Variants in CDH23 observed in about 807,000 individuals in gnomAD.
CDH23 encodes the protein cadherin related 23, also known as cadherin-23.
Under a neutral mutation model 317.1 loss-of-function variants are expected in CDH23, and 189 were observed. The observed-to-expected ratio is 0.60, with a 90% CI of 0.53 to 0.67. CDH23 has a LOEUF of 0.67. Ranked by LOEUF, CDH23 falls within the 30% of genes least tolerant of loss-of-function variation. CDH23 has a pLI of 0.00. For missense variants in CDH23, 4,401 were observed against 4,592.4 expected, an observed-to-expected ratio of 0.96 and a Z score of 1.20; for synonymous variants, 1,839 against 1,876.8, an observed-to-expected ratio of 0.98 and a Z score of 0.52.
intron 38 of CDH23, among the ~76,000 whole-genome samples, chr10:71,774,145 C>G (rs911042084): frequency 6.6e-6 from 1 of 152,096 alleles, no homozygotes; most frequent in Non-Finnish European, 1.5e-5. Flanking sequence ...GGGACACACA[C>G]AGATATGCAG....
chr10:71,618,907 C>T (rs1861331308), intron 11 of CDH23, among the ~76,000 whole-genome samples: 1 of 152,134 alleles, frequency 6.6e-6, no homozygotes, highest in South Asian at 2.1e-4. Flanking sequence ...ACCTATCTGT[C>T]TGAGATAACT....
chr10:71,754,742 T>A (rs528171635), intron 38 of CDH23, among the ~76,000 whole-genome samples: 51 of 152,324 alleles, frequency 3.3e-4, no homozygotes, highest in Middle Eastern at 3.4e-3. Context: ...GGACTTGCAA[T>A]GAGGAGTAAG....
Position 71,751,654 on chromosome 10 carries a change from C to A in CDH23, c.4845+9733C>A. 1 of 1,519,900 alleles carries A rather than the reference C, an allele frequency of 6.6e-7. No homozygotes were observed. Among genetic ancestry groups the A allele is most frequent in the Non-Finnish European group, 8.8e-7 (1 of 1,134,732 alleles). 94.2% of individuals were successfully genotyped at this position (1,519,900 alleles called of 1,614,324 possible). A position where few individuals can be genotyped will look rare whatever the true frequency, so the allele number is the denominator to read the frequency against. ...TTACAGGTCATCGTGCTGTGAAGGT[C>A]AGGAAACACTTACCCAGGGATGGGA... On this transcript the variant is annotated intron_variant, in intron 38 of 69. Coordinates refer to ENST00000224721, the MANE Select transcript of CDH23 (RefSeq NM_022124.6). This position sits in a 1 kb window ranked among gnomAD's most constrained non-coding sequence, Gnocchi z 4.9.
At chr10:71,596,508 C>G (rs1859858579) in intron 9 of CDH23, among the ~76,000 whole-genome samples, 1 of 152,112 alleles carries the variant, frequency 6.6e-6, no homozygotes, top group Non-Finnish European at 1.5e-5. Context: ...GCTCAGGGAG[C>G]TCAGGAAACT....
rs1172371531 is a variant in CDH23, at chr10:71,760,262, TATATAC to T, written c.4846-17412_4846-17407del. On this transcript the variant is annotated intron_variant, in intron 38 of 69. Coordinates refer to ENST00000224721, the MANE Select transcript of CDH23 (RefSeq NM_022124.6). ...ACATATATATGTATGTATATATATG[TATATAC>T]ATATATATGTATGTATATATGTGTA... Among the ~76,000 whole-genome samples the T allele has an allele frequency of 3.5e-5, 4 of 112,966 alleles. 1 individual carries two copies. Among genetic ancestry groups the T allele is most frequent in the East Asian group, 4.4e-4 (2 of 4,550 alleles). 74.1% of individuals were successfully genotyped at this position (112,966 alleles called of 152,430 possible). A position where few individuals can be genotyped will look rare whatever the true frequency, so the allele number is the denominator to read the frequency against.
At chr10:71,775,218 C>G (rs1840789640) in intron 38 of CDH23, among the ~76,000 whole-genome samples, 1 of 152,168 alleles carries the variant, frequency 6.6e-6, no homozygotes, top group South Asian at 2.1e-4. Flanking sequence ...CTCACCCTGA[C>G]ATCCTCTGGC....
At chr10:71,709,744 C>T (rs1267225711) in intron 27 of CDH23, among the ~76,000 whole-genome samples, 8 of 152,186 alleles carry the variant, frequency 5.3e-5, no homozygotes, top group African/African-American at 1.2e-4. Flanking sequence ...CACTGGCTGG[C>T]GCTGCCTCCT....
At position 71,569,525 on chromosome 10, in the gene CDH23, G is replaced by T. The variant is rs1857636361; in HGVS notation, c.625-1265G>T. ...CAGAAAAGGACATCAGATTCCCAGG[G>T]GGAAAAAGAACTCATTTGAGGTTAC... On this transcript the variant is annotated intron_variant, in intron 7 of 69. Transcript: ENST00000224721. Among the ~76,000 whole-genome samples the T allele has an allele frequency of 2.6e-5, 4 of 152,194 alleles. No individual in the cohort carries two copies. In the South Asian group the frequency reaches 8.3e-4, roughly 32 times the overall value.
chr10:71,476,946 T>C (rs1589118789), intron 3 of CDH23, among the ~76,000 whole-genome samples: 1 of 152,250 alleles, frequency 6.6e-6, no homozygotes, highest in East Asian at 1.9e-4. Context: ...ACCCTTGACC[T>C]TGAATGAGAT....
chr10:71,799,531 C>G lies in CDH23; in HGVS notation c.7264C>G (p.Leu2422Val). 1 of 1,614,058 alleles carries G rather than the reference C, an allele frequency of 6.2e-7. No individual in the cohort carries two copies. Among genetic ancestry groups the G allele is most frequent in the Non-Finnish European group, 8.5e-7 (1 of 1,179,904 alleles). Residue 2422 changes from leucine (L) to valine (V), a missense_variant, in exon 52 of 70, where the codon CTG (leucine) becomes GTG (valine). This residue lies in a region of CDH23 where 189 missense variants were observed against 250.9 expected (regional missense o/e 0.75). Transcript: ENST00000224721. The part of the protein sequence containing the change: ...FEDVPVGTII[L>V]TVTATDADSG... The stretch of plus-strand genomic sequence containing the variant: ...GGATGTGCCTGTGGGCACAATCATC[C>G]TGACAGTCACTGCCACTGATGCTGA...
At chr10:71,745,981 C>T (rs1839845441) in intron 38 of CDH23, among the ~76,000 whole-genome samples, 1 of 152,236 alleles carries the variant, frequency 6.6e-6, no homozygotes, top group Non-Finnish European at 1.5e-5. Context: ...GGCTCAGGAC[C>T]AACCTTGCTG....
chr10:71,776,740 A>G (rs1019536527), intron 38 of CDH23, among the ~76,000 whole-genome samples: 3 of 152,246 alleles, frequency 2.0e-5, no homozygotes, highest in Non-Finnish European at 4.4e-5. Context: ...GGAGAAACAC[A>G]GCCATGGGCA....
intron 3 of CDH23, among the ~76,000 whole-genome samples, chr10:71,456,759 T>A (rs569477417): frequency 1.3e-5 from 2 of 152,366 alleles, no homozygotes; most frequent in South Asian, 4.1e-4. Flanking sequence ...TACACATTGC[T>A]TCGTTGAATT....
chr10:71,543,458 A>G (rs1292654627), intron 6 of CDH23, among the ~76,000 whole-genome samples: 1 of 152,202 alleles, frequency 6.6e-6, no homozygotes, highest in Non-Finnish European at 1.5e-5. Flanking sequence ...CAGCATGTTT[A>G]TTAGGGTCCA....
chr10:71,658,832 C>T (rs1052683115), intron 14 of CDH23, among the ~76,000 whole-genome samples: 1 of 152,236 alleles, frequency 6.6e-6, no homozygotes, highest in African/African-American at 2.4e-5. Flanking sequence ...CAGGGCTCAC[C>T]TCCCAAGCTG....
At chr10:71,739,264 T>C (rs74762101) in intron 35 of CDH23, among the ~76,000 whole-genome samples, 3,087 of 152,252 alleles carry the variant, frequency 0.02, 213 homozygotes, top group East Asian at 0.19. Context: ...CTGAGAACAG[T>C]TGCTTTCTGT....
intron 9 of CDH23, among the ~76,000 whole-genome samples, chr10:71,603,615 G>C (rs189738832): frequency 6.6e-6 from 1 of 152,120 alleles, no homozygotes; most frequent in Non-Finnish European, 1.5e-5. Context: ...CAGGCAGCAG[G>C]GGGGGCCTCC....
intron 11 of CDH23, among the ~76,000 whole-genome samples, chr10:71,640,516 G>C (rs1039721035): frequency 1.3e-5 from 2 of 152,212 alleles, no homozygotes; most frequent in Non-Finnish European, 2.9e-5. Context: ...TTGGGAGGCC[G>C]AGGCAGGCGG....
At chr10:71,747,664 G>C (rs1377773996) in intron 38 of CDH23, 1 of 152,254 alleles carries the variant, frequency 6.6e-6, no homozygotes, top group South Asian at 2.1e-4. Flanking sequence ...GGATTTTCAG[G>C]GAAGGGGGTG....
Sources: gnomAD v4.1 joint callset for allele counts (sites outside exome capture counted in the v4.1 genomes callset) on GRCh38, gnomAD v4.1.1 for gene constraint, gnomAD v4.1.1 regional missense constraint, Gnocchi (gnomAD v3.1) non-coding constraint, MANE v1.5 for transcripts, NCBI Gene and HGNC (gene_info 2026-07-23, HGNC 2026-07-21) for gene names.